The following HGS variants were observed in gnomAD, a reference collection of about 807,000 sequenced individuals.
The protein encoded by HGS is human growth factor-regulated tyrosine kinase substrate.
HGS carries 63 observed loss-of-function variants against 109.7 expected under a neutral mutation model. That is an observed-to-expected ratio of 0.57 (90% CI 0.47 to 0.71). The LOEUF (loss-of-function observed/expected upper bound fraction) is 0.71. Among genes scored for constraint, HGS ranks in the 30% least tolerant of loss-of-function variants. The pLI is 0.00. For missense variants in HGS, 995 were observed against 1,068.3 expected, an observed-to-expected ratio of 0.93 and a Z score of 0.96; for synonymous variants, 546 against 437.3, an observed-to-expected ratio of 1.25 and a Z score of -3.10.
chr17:81,685,476 A>G lies in HGS; in HGVS notation c.38-129A>G, dbSNP rs541146818. Reference sequence around the variant, plus strand: ...TCAGCACGCTCAGGAGGATTCTGTCATGCTTTTTCATTTGGTCCAAATGTC... The same window carrying G: ...TCAGCACGCTCAGGAGGATTCTGTCGTGCTTTTTCATTTGGTCCAAATGTC... On this transcript the variant is annotated intron_variant, in intron 1 of 21. Transcript: ENST00000329138. The G allele has an allele frequency of 2.7e-4, 163 of 598,214 alleles. 1 individual carries two copies. Among genetic ancestry groups the G allele is most frequent in the Non-Finnish European group, 4.1e-4 (140 of 341,766 alleles). The allele number at this position is 598,214 out of a possible 1,614,324, so 37.1% of individuals were successfully genotyped here.
chr17:81,691,075 G>T lies in HGS; in HGVS notation c.537+333G>T. The T allele has an allele frequency of 2.3e-6, 1 of 442,508 alleles. No homozygotes were observed. The highest frequency in any genetic ancestry group is 4.1e-6 in the Non-Finnish European group (1 of 244,472). 27.4% of individuals were successfully genotyped at this position (442,508 alleles called of 1,614,324 possible). A position where few individuals can be genotyped will look rare whatever the true frequency, so the allele number is the denominator to read the frequency against. The stretch of plus-strand genomic sequence containing the variant: ...TTAGCCCATCTGGATTCTTACCCTC[G>T]AGGCATCTTCACATCAAAACCCCCT... On this transcript the variant is annotated intron_variant, in intron 7 of 21. Transcript: ENST00000329138. This position sits in a 1 kb window ranked among gnomAD's most constrained non-coding sequence, Gnocchi z 5.3.
At chr17:81,699,552 C>CCCAAA (rs1366329142) in intron 18 of HGS, among the ~76,000 whole-genome samples, 4 of 152,132 alleles carry the variant, frequency 2.6e-5, no homozygotes, top group Non-Finnish European at 5.9e-5. Context: ...CAGCCTCCTG[C>CCCAAA]GTAGCTGGGA....
chr17:81,688,552 C>A, intron 4 of HGS, 152 bp from the exon 5 acceptor site: 1 of 883,116 alleles, frequency 1.1e-6, no homozygotes, highest in Non-Finnish European at 1.7e-6. Context: ...CAGGTTGGTG[C>A]ATGGCCCCCA....
chr17:81,693,565 T>A lies in HGS; in HGVS notation c.725T>A (p.Leu242Gln), dbSNP rs200174222. The A allele has an allele frequency of 8.8e-5, 141 of 1,610,238 alleles. No individual in the cohort carries two copies. The Admixed American group carries it at 9.4e-4, about 11-fold the overall frequency. Residue 242 changes from leucine to glutamine, a missense_variant, in exon 9 of 22, where the codon CTG becomes CAG. Leu to Gln is a moderately radical substitution (Grantham distance 113, BLOSUM62 -2). Coordinates refer to ENST00000329138, the MANE Select transcript of HGS (RefSeq NM_004712.5). The part of the protein sequence containing the change: ...ELPPEYLTSP[L>Q]SQQSQLPPKR... ...CCCCCCGAGTACCTGACCAGCCCCC[T>A]GTCTCAGCAGTCCCAGGTACTCAGC...
At position 81,700,675 on chromosome 17, in the gene HGS, G is replaced by T. The variant is rs1358588574; in HGVS notation, c.2017-20G>T. The stretch of plus-strand genomic sequence containing the variant: ...CCCCAGCCCCAGCCCCTTCTCCCAT[G>T]GCACTCATTCCCTCCGCAGAACGTG... On this transcript the variant is annotated intron_variant, in intron 19 of 21. Coordinates refer to ENST00000329138, the MANE Select transcript of HGS (RefSeq NM_004712.5). 7 of 1,571,536 alleles carry T rather than the reference G, an allele frequency of 4.5e-6. No individual in the cohort carries two copies. The highest frequency in any genetic ancestry group is 6.1e-6 in the Non-Finnish European group (7 of 1,151,318).
chr17:81,697,534 C>T (rs1346684985), intron 18 of HGS: 2 of 152,530 alleles, frequency 1.3e-5, no homozygotes, highest in African/African-American at 2.4e-5. Context: ...AGGTGACGTG[C>T]ATCCCGTCAG....
intron 1 of HGS, among the ~76,000 whole-genome samples, chr17:81,684,663 A>G (rs907513719): frequency 6.6e-6 from 1 of 152,160 alleles, no homozygotes; most frequent in Non-Finnish European, 1.5e-5. Flanking sequence ...AGCTGATCCT[A>G]TCTGAGCCTC....
At chr17:81,693,626 C>G in intron 9 of HGS, 28 bp from the exon 10 acceptor site, 1 of 1,546,852 alleles carries the variant, frequency 6.5e-7, no homozygotes, top group Non-Finnish European at 8.8e-7. Flanking sequence ...CCCCGGCGCC[C>G]CCCCTCACCC....
chr17:81,693,787 G>A (rs1429271927), intron 10 of HGS, 35 bp downstream of exon 10: 1 of 1,543,202 alleles, frequency 6.5e-7, no homozygotes, highest in African/African-American at 1.4e-5. Flanking sequence ...CTCAGGAGGG[G>A]CCCAGCTCCC....
Position 81,701,533 on chromosome 17 carries a change from A to C in HGS, c.2249A>C (p.Gln750Pro). The C allele has an allele frequency of 6.4e-7, 1 of 1,563,396 alleles. No homozygotes were observed. Among genetic ancestry groups the C allele is most frequent in the Non-Finnish European group, 8.6e-7 (1 of 1,161,326 alleles). ...QQMAPSGGPP[Q>P]QQPPVAQQPQ... ...ATGGCACCCTCTGGCGGTCCCCCCC[A>C]GCAGCAGCCCCCCGTGGCCCAGCAA... Residue 750 changes from glutamine (Q) to proline (P), a missense_variant, in exon 22 of 22, where the codon CAG becomes CCG. By Grantham distance (76) the Gln-to-Pro change is moderately conservative. Coordinates refer to ENST00000329138, the MANE Select transcript of HGS (RefSeq NM_004712.5).
chr17:81,688,732 A>G lies in HGS; in HGVS notation c.320A>G (p.Lys107Arg). 6.2e-7 allele frequency: 1 copy of G among 1,614,128 alleles called. No homozygotes were observed. Among genetic ancestry groups the G allele is most frequent in the South Asian group, 1.1e-5 (1 of 91,064 alleles). Residue 107 changes from lysine to arginine, a missense_variant, in exon 5 of 22, where the codon AAG (lysine) becomes AGG (arginine). Lys to Arg is a conservative substitution (Grantham distance 26). This residue lies in a region of HGS where 182 missense variants were observed against 261.3 expected (regional missense o/e 0.70). Coordinates refer to ENST00000329138, the MANE Select transcript of HGS (RefSeq NM_004712.5). ...CAAGTGGAGGTAAACGTCCGTAACA[A>G]GATCCTGTACCTGATCCAGGCCTGG... ...KRQVEVNVRNKILYLIQAWAH... is the reference protein window; with the variant it reads ...KRQVEVNVRNRILYLIQAWAH...
chr17:81,698,574 A>T (rs1408665948), intron 18 of HGS, among the ~76,000 whole-genome samples: 1 of 152,192 alleles, frequency 6.6e-6, no homozygotes, highest in Admixed American at 6.5e-5. Context: ...CCCTGGAAGC[A>T]GCCATTTCTC....
In HGS at chr17:81,690,108, G is replaced by C. The variant is rs548186162; in HGVS notation, c.416-74G>C. 2.6e-6 allele frequency: 4 copies of C among 1,523,476 alleles called. No individual in the cohort carries two copies. In the Admixed American group the frequency reaches 5.2e-5, roughly 20 times the overall value. 94.4% of individuals were successfully genotyped at this position (1,523,476 alleles called of 1,614,324 possible). A position where few individuals can be genotyped will look rare whatever the true frequency, so the allele number is the denominator to read the frequency against. On this transcript the variant is annotated intron_variant, in intron 5 of 21. Transcript: ENST00000329138. Reference sequence around the variant, plus strand: ...GTCACTGCTGCGTTGCAGCTGCCGAGAGTGAGGAAGGGGCTCCCGGAAGTC... The same window carrying C: ...GTCACTGCTGCGTTGCAGCTGCCGACAGTGAGGAAGGGGCTCCCGGAAGTC...
Position 81,693,423 on chromosome 17 carries a change from G to A in HGS, c.663-80G>A, listed in dbSNP as rs573052370. The A allele has an allele frequency of 5.9e-5, 62 of 1,042,590 alleles. No homozygotes were observed. In the East Asian group the frequency reaches 6.9e-4, roughly 12 times the overall value. The allele number at this position is 1,042,590 out of a possible 1,614,324, so 64.6% of individuals were successfully genotyped here. On this transcript the variant is annotated intron_variant, in intron 8 of 21. Transcript: ENST00000329138. ...TCTGTGGGGACACTTAGAGGAGCCC[G>A]CAGAGGTGTGGTTGAGAGCTTTGGC...
chr17:81,699,464 C>T (rs552818344), intron 18 of HGS, among the ~76,000 whole-genome samples: 174 of 152,352 alleles, frequency 1.1e-3, no homozygotes, highest in Non-Finnish European at 1.7e-3. Flanking sequence ...CTCGCTCTGT[C>T]GCCCAGGCTG....
intron 1 of HGS, among the ~76,000 whole-genome samples, chr17:81,684,628 G>A (rs956576298): frequency 6.6e-6 from 1 of 152,150 alleles, no homozygotes; most frequent in African/African-American, 2.4e-5. Context: ...TTAGGAAGGC[G>A]TTTTCTCACG....
chr17:81,701,174 C>T (rs1461660899), intron 21 of HGS, 43 bp downstream of exon 21: 1 of 1,542,110 alleles, frequency 6.5e-7, no homozygotes, highest in Non-Finnish European at 9.0e-7. Context: ...CGCAGGGCAC[C>T]CTCAGGCTTC....
intron 19 of HGS, 41 bp from the exon 20 acceptor site, chr17:81,700,654 A>T: frequency 1.2e-6 from 1 of 835,720 alleles, no homozygotes; most frequent in South Asian, 1.6e-5. Flanking sequence ...CCCCAGCCCC[A>T]GCCCCAGCCC....
At position 81,691,758 on chromosome 17, in the gene HGS, T is replaced by A; in HGVS notation, c.662+187T>A. 1.5e-6 allele frequency: 1 copy of A among 652,462 alleles called. No individual in the cohort carries two copies. The highest frequency in any genetic ancestry group is 2.6e-6 in the Non-Finnish European group (1 of 391,348). 40.4% of individuals were successfully genotyped at this position (652,462 alleles called of 1,614,324 possible). On this transcript the variant is annotated intron_variant, in intron 8 of 21. Coordinates refer to ENST00000329138, the MANE Select transcript of HGS (RefSeq NM_004712.5). The surrounding 1 kb of genome is among the most constrained non-coding windows in gnomAD (Gnocchi z 5.3). Reference sequence around the variant, plus strand: ...GGACCCTGCCCCACACTAGGGCAGGTGGGTGTGAGAGACAGGGCGCCGCGG... The same window carrying A: ...GGACCCTGCCCCACACTAGGGCAGGAGGGTGTGAGAGACAGGGCGCCGCGG...
Sources: gnomAD v4.1 joint callset for allele counts (sites outside exome capture counted in the v4.1 genomes callset) on GRCh38, gnomAD v4.1.1 for gene constraint, gnomAD v4.1.1 regional missense constraint, Gnocchi (gnomAD v3.1) non-coding constraint, MANE v1.5 for transcripts, NCBI Gene and HGNC (gene_info 2026-07-23, HGNC 2026-07-21) for gene names.